ASIC2: variants seen among roughly 807,000 people sequenced by gnomAD.
ASIC2 encodes the protein acid-sensing ion channel 2.
ASIC2 carries 25 observed loss-of-function variants against 57.3 expected under a neutral mutation model. That is an observed-to-expected ratio of 0.44 (90% CI 0.32 to 0.61). ASIC2 has a LOEUF of 0.61. Ranked by LOEUF, ASIC2 falls within the 20% of genes least tolerant of loss-of-function variation. The probability of loss-of-function intolerance (pLI) is 0.06; values close to 1 mark genes in which losing one functional copy is unlikely to be tolerated. For synonymous variants in ASIC2, 319 were observed against 307.5 expected (o/e 1.04, Z -0.39); for missense variants, 641 against 738.1 (o/e 0.87, Z 1.52).
chr17:33,161,257 A>T (rs139852648), intron 1 of ASIC2, among the ~76,000 whole-genome samples: 1 of 152,204 alleles, frequency 6.6e-6, no homozygotes, highest in Non-Finnish European at 1.5e-5. Context: ...ACTGTATGCC[A>T]GGCAGTGTGC....
intron 1 of ASIC2, among the ~76,000 whole-genome samples, chr17:33,180,935 C>T (rs946113776): frequency 2.6e-5 from 4 of 152,142 alleles, no homozygotes; most frequent in Admixed American, 1.3e-4. Context: ...AGAAGGGCCA[C>T]GCGGCTGTGC....
chr17:34,138,060 G>A (rs28528704), intron 1 of ASIC2, among the ~76,000 whole-genome samples: 50,901 of 152,002 alleles, frequency 0.33, 8,703 homozygotes, highest in South Asian at 0.49. Flanking sequence ...TGCAAACTGG[G>A]AGCAGAAGAA....
At chr17:33,696,765 T>G (rs1264267082) in intron 1 of ASIC2, among the ~76,000 whole-genome samples, 1 of 152,230 alleles carries the variant, frequency 6.6e-6, no homozygotes, top group Non-Finnish European at 1.5e-5. Context: ...ATGTTACATG[T>G]ATTGTATACT....
At chr17:33,822,469 C>G (rs893997055) in intron 1 of ASIC2, among the ~76,000 whole-genome samples, 1 of 152,170 alleles carries the variant, frequency 6.6e-6, no homozygotes, top group African/African-American at 2.4e-5. Flanking sequence ...TTCTCATCAT[C>G]TTTTACTTTA....
At chr17:33,416,663 G>T (rs1442693266) in intron 1 of ASIC2, among the ~76,000 whole-genome samples, 1 of 152,188 alleles carries the variant, frequency 6.6e-6, no homozygotes, top group Admixed American at 6.5e-5. Context: ...TTTAATAGCT[G>T]GGGGCACCCC....
chr17:33,662,528 C>T (rs538691556), intron 1 of ASIC2, among the ~76,000 whole-genome samples: 1 of 151,622 alleles, frequency 6.6e-6, no homozygotes, highest in African/African-American at 2.4e-5. Flanking sequence ...GAGACTGAGG[C>T]AGGAGAATTG....
intron 1 of ASIC2, among the ~76,000 whole-genome samples, chr17:33,504,931 G>A (rs779814818): frequency 6.6e-6 from 1 of 152,140 alleles, no homozygotes; most frequent in Non-Finnish European, 1.5e-5. Flanking sequence ...CTATGGGGGT[G>A]AGGGAGTGGA....
intron 1 of ASIC2, among the ~76,000 whole-genome samples, chr17:33,664,271 T>C (rs1325304831): frequency 2.6e-5 from 4 of 152,228 alleles, no homozygotes; most frequent in East Asian, 1.9e-4. Context: ...CTCAGCTCAA[T>C]TGGCCTTCTC....
intron 1 of ASIC2, among the ~76,000 whole-genome samples, chr17:33,898,348 G>T (rs1004699474): frequency 2.8e-5 from 4 of 143,578 alleles, no homozygotes; most frequent in African/African-American, 7.7e-5. Flanking sequence ...CTATTCTCCT[G>T]CCTCAACTTC....
At chr17:33,938,919 T>G (rs951525577) in intron 1 of ASIC2, among the ~76,000 whole-genome samples, 2 of 152,222 alleles carry the variant, frequency 1.3e-5, no homozygotes, top group African/African-American at 4.8e-5. Context: ...GTGCTCAGAC[T>G]CTGGCCTCTG....
chr17:33,293,330 G>T (rs1905586563), upstream of ASIC2, among the ~76,000 whole-genome samples: 2 of 152,116 alleles, frequency 1.3e-5, no homozygotes. Flanking sequence ...TGAGCGCCGT[G>T]CGCTCCTGGA....
chr17:33,785,322 A>G (rs912531884), intron 1 of ASIC2, among the ~76,000 whole-genome samples: 2 of 152,150 alleles, frequency 1.3e-5, no homozygotes, highest in African/African-American at 2.4e-5. Flanking sequence ...GAGGAAATCA[A>G]TTTCTGTAGT....
intron 1 of ASIC2, among the ~76,000 whole-genome samples, chr17:33,385,354 C>T (rs1909637649): frequency 6.6e-6 from 1 of 152,120 alleles, no homozygotes; most frequent in Admixed American, 6.5e-5. Flanking sequence ...CCTGCTTTCT[C>T]CTGAGTGAAC....
At chr17:33,831,357 C>A (rs1459343465) in intron 1 of ASIC2, among the ~76,000 whole-genome samples, 2 of 151,912 alleles carry the variant, frequency 1.3e-5, no homozygotes, top group African/African-American at 4.8e-5. Context: ...CCTCCCGGAT[C>A]TCTTGTGGAT....
chr17:33,312,173 A>T (rs1047220605), intron 1 of ASIC2, among the ~76,000 whole-genome samples: 1 of 152,202 alleles, frequency 6.6e-6, no homozygotes, highest in Non-Finnish European at 1.5e-5. Flanking sequence ...GATTTCTGTA[A>T]ATAATGAAAT....
rs182455352 is a variant in ASIC2, at chr17:33,923,825, G to A, written c.555+232153C>T. Among the ~76,000 whole-genome samples, 8 of 152,282 alleles carry A rather than the reference G, an allele frequency of 5.3e-5. No individual in the cohort carries two copies. The East Asian group carries it at 1.2e-3, about 22-fold the overall frequency. On this transcript the variant is annotated intron_variant, in intron 1 of 9. Coordinates refer to the ASIC2 transcript ENST00000359872. ...TGAGAGGGGAGGAGGGGCGTCCTGA[G>A]TTCTCAGCCCATGCTAGACTACAGG... is the stretch of plus-strand genomic sequence containing the variant.
intron 1 of ASIC2, among the ~76,000 whole-genome samples, chr17:33,301,414 G>A (rs1256718531): frequency 6.6e-6 from 1 of 152,150 alleles, no homozygotes; most frequent in Non-Finnish European, 1.5e-5. Context: ...AACATGAAAG[G>A]AAACTGAGGC....
chr17:33,793,358 G>A (rs1911826106), intron 1 of ASIC2: 1 of 152,196 alleles, frequency 6.6e-6, no homozygotes, highest in Admixed American at 6.5e-5. Context: ...GCAGATACTA[G>A]CACTGCTGCT....
chr17:33,084,237 T>G (rs1431389914), intron 3 of ASIC2, among the ~76,000 whole-genome samples: 1 of 152,148 alleles, frequency 6.6e-6, no homozygotes, highest in Non-Finnish European at 1.5e-5. Context: ...ATGGAAAAAC[T>G]GAGGCCCAGA....
Sources: allele counts gnomAD v4.1 joint callset (sites outside exome capture counted in the v4.1 genomes callset), GRCh38; gene constraint gnomAD v4.1.1; transcripts MANE v1.5; gene names NCBI Gene and HGNC (gene_info 2026-07-23, HGNC 2026-07-21).